The following PARP8 variants were observed in gnomAD, a reference collection of about 807,000 sequenced individuals.
The protein encoded by PARP8 is protein mono-ADP-ribosyltransferase PARP8.
In PARP8, 51 loss-of-function variants were observed where a neutral mutation model predicts 124.1. The ratio of observed to expected loss-of-function variants is 0.41; its 90% CI spans 0.33 to 0.52. The LOEUF (loss-of-function observed/expected upper bound fraction) is 0.52, where lower values mean the gene tolerates loss of function less well. PARP8 is among the 20% of genes least tolerant of loss of function. The pLI is 0.21. For missense variants in PARP8, 860 were observed against 1,018.9 expected (o/e 0.84, Z 2.12); for synonymous variants, 391 against 361.5 (o/e 1.08, Z -0.93).
intron 15 of PARP8, among the ~76,000 whole-genome samples, chr5:50,817,210 A>G (rs1745199260): frequency 6.6e-6 from 1 of 152,212 alleles, no homozygotes; most frequent in Non-Finnish European, 1.5e-5. Flanking sequence ...TCATAAAATT[A>G]ATGGTTTTGA....
chr5:50,834,322 A>G (rs1446501084), intron 24 of PARP8, among the ~76,000 whole-genome samples: 2 of 152,160 alleles, frequency 1.3e-5, no homozygotes, highest in Non-Finnish European at 2.9e-5. Flanking sequence ...AGTAATGCTT[A>G]TCTCTTTAGT....
At chr5:50,685,850 T>G (rs759325694) in intron 2 of PARP8, among the ~76,000 whole-genome samples, 5 of 152,140 alleles carry the variant, frequency 3.3e-5, no homozygotes, top group Non-Finnish European at 5.9e-5. Flanking sequence ...ACTCCCCTCT[T>G]GAAACTTACT....
At chr5:50,834,456 A>G (rs1401734953) in intron 24 of PARP8, among the ~76,000 whole-genome samples, 2 of 152,182 alleles carry the variant, frequency 1.3e-5, no homozygotes, top group Non-Finnish European at 2.9e-5. Context: ...TGAAATTATT[A>G]TATTATTCTG....
chr5:50,679,857 G>A (rs1751076792), intron 2 of PARP8, among the ~76,000 whole-genome samples: 1 of 152,106 alleles, frequency 6.6e-6, no homozygotes. Context: ...ATGCAACAAC[G>A]GAAGAAATGC....
intron 9 of PARP8, among the ~76,000 whole-genome samples, chr5:50,779,779 A>T (rs1342174992): frequency 6.6e-6 from 1 of 152,188 alleles, no homozygotes; most frequent in East Asian, 1.9e-4. Flanking sequence ...CATATCAGGG[A>T]ATATACATCT....
At chr5:50,690,715 A>C (rs1239373929) in intron 2 of PARP8, among the ~76,000 whole-genome samples, 1 of 152,168 alleles carries the variant, frequency 6.6e-6, no homozygotes, top group Non-Finnish European at 1.5e-5. Context: ...GCATTTCTGG[A>C]GATAGAAACT....
intron 2 of PARP8, among the ~76,000 whole-genome samples, chr5:50,734,371 G>A (rs1757278709): frequency 1.3e-5 from 2 of 152,170 alleles, no homozygotes; most frequent in African/African-American, 4.8e-5. Context: ...TTGTGTGATG[G>A]TGTAGGAGTG....
At chr5:50,719,329 G>A (rs1038739490) in intron 2 of PARP8, among the ~76,000 whole-genome samples, 2 of 151,828 alleles carry the variant, frequency 1.3e-5, no homozygotes, top group Non-Finnish European at 2.9e-5. Context: ...TTTGTAGCTT[G>A]ATATAATCCC....
intron 14 of PARP8, 120 bp from the exon 15 acceptor site, chr5:50,815,312 T>C: frequency 1.5e-6 from 1 of 647,184 alleles, no homozygotes; most frequent in Non-Finnish European, 2.5e-6. Context: ...TGGTATGATT[T>C]CCTTTTTAAA....
intron 2 of PARP8, among the ~76,000 whole-genome samples, chr5:50,723,361 C>T (rs1756100021): frequency 6.6e-6 from 1 of 152,032 alleles, no homozygotes. Context: ...TGTTGTCTCT[C>T]AGTTTCTAAA....
Position 50,794,216 on chromosome 5 carries a change from G to T in PARP8, c.747G>T (p.Gln249His), listed in dbSNP as rs1229034800. 1.2e-6 allele frequency: 2 copies of T among 1,611,436 alleles called. No homozygotes were observed. Among genetic ancestry groups the T allele is most frequent in the East Asian group, 2.2e-5 (1 of 44,696 alleles). Reference sequence around the variant, plus strand: ...ACCTTTGGATTGACAGAATCATGCAGACATTTGTTACACAGCAGTGGAAAC... The same window carrying T: ...ACCTTTGGATTGACAGAATCATGCATACATTTGTTACACAGCAGTGGAAAC... ...GLGHQLKKIM[Q>H]TFVTQQWKQS... Residue 249 changes from glutamine to histidine, a missense_variant, in exon 11 of 26, where the codon CAG becomes CAT. This residue lies in a region of PARP8 where 517 missense variants were observed against 544.2 expected (regional missense o/e 0.95). Coordinates refer to ENST00000281631, the MANE Select transcript of PARP8 (RefSeq NM_024615.4).
chr5:50,806,293 A>AC (rs1245164002), intron 14 of PARP8, among the ~76,000 whole-genome samples: 1 of 151,964 alleles, frequency 6.6e-6, no homozygotes, highest in Non-Finnish European at 1.5e-5. Context: ...CCTACTCTTG[A>AC]CTTGTGGACT....
rs567946613 is a variant in PARP8, at chr5:50,727,000, A to G, written c.147-23151A>G. Among the ~76,000 whole-genome samples the G allele has an allele frequency of 5.6e-4, 86 of 152,248 alleles. 1 individual carries two copies. Among genetic ancestry groups the G allele is most frequent in the Admixed American group, 3.0e-3 (46 of 15,284 alleles). ...ACTAGGCCATCTCATGCTATCTGGT[A>G]AAGATGACATTTACAGTCATAAATC... On this transcript the variant is annotated intron_variant, in intron 2 of 25. Transcript: ENST00000281631.
chr5:50,821,953 CAAAAT>C (rs1367452049), intron 16 of PARP8, among the ~76,000 whole-genome samples: 4 of 152,156 alleles, frequency 2.6e-5, no homozygotes, highest in East Asian at 1.9e-4. Context: ...ATATTCAACT[CAAAAT>C]AAAATAAAAG....
At chr5:50,781,003 A>G (rs1327388140) in intron 9 of PARP8, among the ~76,000 whole-genome samples, 2 of 151,892 alleles carry the variant, frequency 1.3e-5, no homozygotes, top group African/African-American at 4.8e-5. Context: ...GTCTTAATTC[A>G]CCTCAAGTAC....
At chr5:50,676,098 G>A (rs1024995940) in intron 2 of PARP8, among the ~76,000 whole-genome samples, 10 of 152,196 alleles carry the variant, frequency 6.6e-5, no homozygotes, top group Non-Finnish European at 1.3e-4. Flanking sequence ...TGTGCTTTAT[G>A]CATATCCAAG....
chr5:50,710,506 T>G (rs1247296515), intron 2 of PARP8, among the ~76,000 whole-genome samples: 1 of 152,102 alleles, frequency 6.6e-6, no homozygotes, highest in African/African-American at 2.4e-5. Flanking sequence ...TAAAAAAGTT[T>G]TTTTTCTAAA....
At chr5:50,685,781 G>C (rs1751791808) in intron 2 of PARP8, among the ~76,000 whole-genome samples, 1 of 152,140 alleles carries the variant, frequency 6.6e-6, no homozygotes, top group Admixed American at 6.5e-5. Flanking sequence ...CAGAAGGCAA[G>C]GAGGAGCAAG....
chr5:50,690,526 G>A (rs934791391), intron 2 of PARP8, among the ~76,000 whole-genome samples: 1 of 152,120 alleles, frequency 6.6e-6, no homozygotes, highest in Non-Finnish European at 1.5e-5. Flanking sequence ...CGAGTTTGAA[G>A]TCTTCCAACT....
Sources: allele counts gnomAD v4.1 joint callset (sites outside exome capture counted in the v4.1 genomes callset), GRCh38; gene constraint gnomAD v4.1.1; regional missense constraint gnomAD v4.1.1; transcripts MANE v1.5; gene names NCBI Gene and HGNC (gene_info 2026-07-23, HGNC 2026-07-21).